Variants in HMGCLL1 observed in about 807,000 individuals in gnomAD.
HMGCLL1 encodes the protein 3-hydroxymethyl-3-methylglutaryl-CoA lyase, cytoplasmic.
In HMGCLL1, 36 loss-of-function variants were observed where a neutral mutation model predicts 39.1. The observed-to-expected ratio is 0.92, with a 90% CI of 0.71 to 1.22. HMGCLL1 has a LOEUF of 1.22. Among genes scored for constraint, HMGCLL1 ranks in the 50% most tolerant of loss-of-function variants. The pLI is 0.00. For synonymous variants in HMGCLL1, 149 were observed against 144.0 expected, an observed-to-expected ratio of 1.03 and a Z score of -0.25; for missense variants, 451 against 416.5, an observed-to-expected ratio of 1.08 and a Z score of -0.72.
At chr6:55,575,309 T>C (rs1180133363) in intron 1 of HMGCLL1, among the ~76,000 whole-genome samples, 2 of 152,120 alleles carry the variant, frequency 1.3e-5, no homozygotes, top group East Asian at 1.9e-4. Context: ...GGACCTGTGA[T>C]AGAATAAGCC....
chr6:55,622,392 T>C, the HMGCLL1 span, among the ~76,000 whole-genome samples: 1 of 152,256 alleles, frequency 6.6e-6, no homozygotes, highest in African/African-American at 2.4e-5. Context: ...TTCAATATTA[T>C]ACTAGCTGTC....
chr6:55,636,713 A>T, the HMGCLL1 span, among the ~76,000 whole-genome samples: 1 of 152,166 alleles, frequency 6.6e-6, no homozygotes, highest in Admixed American at 6.6e-5. Context: ...TCTCATTGCA[A>T]TTACAGGCAA....
At chr6:55,561,051 G>A (rs960993888) in intron 1 of HMGCLL1, among the ~76,000 whole-genome samples, 23 of 151,938 alleles carry the variant, frequency 1.5e-4, no homozygotes, top group African/African-American at 4.8e-4. Context: ...ACAATTCATC[G>A]GGTTGTTCAA....
At chr6:55,567,127 C>T (rs965003006) in intron 1 of HMGCLL1, among the ~76,000 whole-genome samples, 3 of 151,862 alleles carry the variant, frequency 2.0e-5, no homozygotes, top group African/African-American at 7.3e-5. Context: ...TCTATTCAAC[C>T]ATATTGTAAA....
chr6:55,614,860 A>C, the HMGCLL1 span, among the ~76,000 whole-genome samples: 1 of 152,072 alleles, frequency 6.6e-6, no homozygotes. Flanking sequence ...TTTCTATTAA[A>C]TCTTATATGT....
chr6:55,650,522 T>C, the HMGCLL1 span, among the ~76,000 whole-genome samples: 2 of 151,944 alleles, frequency 1.3e-5, no homozygotes, highest in South Asian at 4.2e-4. Flanking sequence ...GATGTGATGA[T>C]GCAAGCAACC....
In HMGCLL1 at chr6:55,551,061, A is replaced by C. The variant is rs62407366; in HGVS notation, c.109-8921T>G. 4.3e-4 allele frequency among the ~76,000 whole-genome samples: 65 copies of C among 151,626 alleles called. 2 individuals are homozygous for C. In the East Asian group the frequency reaches 0.012, roughly 28 times the overall value. On this transcript the variant is annotated intron_variant, in intron 1 of 8. Coordinates refer to ENST00000274901, the MANE Select transcript of HMGCLL1 (RefSeq NM_001042406.2). ...TTTCAGACCAAAAAAAAAAAAATAA[A>C]CCACAAGTGACTGAAGCAGCAGCCA...
intron 1 of HMGCLL1, among the ~76,000 whole-genome samples, chr6:55,577,998 C>A (rs1043769289): frequency 3.3e-5 from 5 of 152,144 alleles, no homozygotes; most frequent in African/African-American, 9.7e-5. Flanking sequence ...ATACACTAAA[C>A]TGAGAATACA....
At chr6:55,624,159 G>T in the HMGCLL1 span, among the ~76,000 whole-genome samples, 1 of 152,120 alleles carries the variant, frequency 6.6e-6, no homozygotes, top group Non-Finnish European at 1.5e-5. Flanking sequence ...TATAGGAATT[G>T]TGCAAATTAG....
intron 1 of HMGCLL1, chr6:55,563,932 G>A: frequency 8.0e-7 from 1 of 1,246,094 alleles, no homozygotes; most frequent in Non-Finnish European, 1.1e-6. Flanking sequence ...GAGGAGGAAT[G>A]AGGAGCTGTT....
chr6:55,528,422 T>C (rs980101919), intron 3 of HMGCLL1, among the ~76,000 whole-genome samples: 1 of 152,064 alleles, frequency 6.6e-6, no homozygotes, highest in Non-Finnish European at 1.5e-5. Context: ...GAGCTCTTCC[T>C]GACAACCCTG....
At chr6:55,561,513 A>T (rs1014272535) in intron 1 of HMGCLL1, among the ~76,000 whole-genome samples, 2 of 152,124 alleles carry the variant, frequency 1.3e-5, no homozygotes, top group Non-Finnish European at 2.9e-5. Flanking sequence ...CAGAGATTAT[A>T]ATTCATTAGG....
chr6:55,454,780 T>C (rs9396097), intron 7 of HMGCLL1, among the ~76,000 whole-genome samples: 19,714 of 152,136 alleles, frequency 0.13, 1,537 homozygotes, highest in East Asian at 0.3. Context: ...AGAAAGAGAA[T>C]AGGAGGAACT....
chr6:55,668,307 A>C, the HMGCLL1 span, among the ~76,000 whole-genome samples: 28 of 152,028 alleles, frequency 1.8e-4, no homozygotes, highest in East Asian at 2.9e-3. Context: ...AATTGTCCCT[A>C]AAATATAGCC....
At chr6:55,607,285 T>G in the HMGCLL1 span, among the ~76,000 whole-genome samples, 1 of 152,238 alleles carries the variant, frequency 6.6e-6, no homozygotes, top group South Asian at 2.1e-4. Context: ...GAGCATTAAG[T>G]AGCTCTCAAC....
the HMGCLL1 span, among the ~76,000 whole-genome samples, chr6:55,673,381 C>T: frequency 6.6e-6 from 1 of 151,846 alleles, no homozygotes; most frequent in Non-Finnish European, 1.5e-5. Flanking sequence ...GGTGATCATG[C>T]TCTCCCTGTG....
chr6:55,668,164 A>T, the HMGCLL1 span, among the ~76,000 whole-genome samples: 2 of 151,878 alleles, frequency 1.3e-5, no homozygotes, highest in East Asian at 3.9e-4. Context: ...TGGATGTTTG[A>T]GTTCTGGCTT....
chr6:55,636,688 T>TC, the HMGCLL1 span, among the ~76,000 whole-genome samples: 1 of 152,068 alleles, frequency 6.6e-6, no homozygotes, highest in African/African-American at 2.4e-5. Flanking sequence ...TCACACCAGG[T>TC]CCCCCATGCA....
chr6:55,621,467 C>T, the HMGCLL1 span, among the ~76,000 whole-genome samples: 1 of 151,968 alleles, frequency 6.6e-6, no homozygotes, highest in African/African-American at 2.4e-5. Flanking sequence ...AGCTCCAACT[C>T]CTGTCAGATC....
Sources: gnomAD v4.1 joint callset for allele counts (sites outside exome capture counted in the v4.1 genomes callset) on GRCh38, gnomAD v4.1.1 for gene constraint, MANE v1.5 for transcripts, NCBI Gene and HGNC (gene_info 2026-07-23, HGNC 2026-07-21) for gene names.